Variants in SLC13A3 observed in about 807,000 individuals in gnomAD.
SLC13A3 encodes the protein solute carrier family 13 member 3, also known as Na(+)/dicarboxylate cotransporter 3.
SLC13A3 carries 40 observed loss-of-function variants against 59.0 expected under a neutral mutation model. That is an observed-to-expected ratio of 0.68 (90% CI 0.53 to 0.88). SLC13A3 has a LOEUF of 0.88. SLC13A3 is among the 40% of genes least tolerant of loss of function. The pLI is 0.00. For synonymous variants in SLC13A3, 317 were observed against 330.3 expected (o/e 0.96, Z 0.44); for missense variants, 699 against 783.2 (o/e 0.89, Z 1.28).
intron 1 of SLC13A3, among the ~76,000 whole-genome samples, chr20:46,616,407 T>C (rs2122761763): frequency 6.6e-6 from 1 of 152,306 alleles, no homozygotes; most frequent in East Asian, 1.9e-4. Context: ...ACCTCCCCGA[T>C]TTGGGGATTC....
intron 1 of SLC13A3, among the ~76,000 whole-genome samples, chr20:46,661,013 T>C (rs1349778343): frequency 6.6e-6 from 1 of 152,224 alleles, no homozygotes; most frequent in Non-Finnish European, 1.5e-5. Flanking sequence ...AGTTTTCCAT[T>C]TGTTTATGCA....
At chr20:46,656,578 AC>A (rs947388109) in intron 1 of SLC13A3, among the ~76,000 whole-genome samples, 2 of 147,282 alleles carry the variant, frequency 1.4e-5, no homozygotes, top group Non-Finnish European at 3.0e-5. Context: ...ACTATACAGT[AC>A]ATATATTATA....
intron 4 of SLC13A3, among the ~76,000 whole-genome samples, chr20:46,597,313 G>A (rs757977779): frequency 2.0e-5 from 3 of 152,164 alleles, no homozygotes; most frequent in African/African-American, 4.8e-5. Flanking sequence ...AATGATGTCC[G>A]CTATTCTCCA....
intron 12 of SLC13A3, 64 bp downstream of exon 12, chr20:46,563,350 C>T: frequency 2.5e-6 from 4 of 1,571,274 alleles, no homozygotes; most frequent in Non-Finnish European, 3.5e-6. Flanking sequence ...GCATAGAGGC[C>T]TTGCCCGCCC....
chr20:46,600,407 G>GAGGA (rs1003461265), intron 3 of SLC13A3, among the ~76,000 whole-genome samples: 85 of 143,604 alleles, frequency 5.9e-4, no homozygotes, highest in African/African-American at 1.7e-3. Context: ...AGAAAGAAAG[G>GAGGA]AGGAAGGAAG....
Position 46,566,245 on chromosome 20 carries a change from G to C in SLC13A3, c.1478C>G (p.Pro493Arg). 1 of 1,613,548 alleles carries C rather than the reference G, an allele frequency of 6.2e-7. No individual in the cohort carries two copies. Among genetic ancestry groups the C allele is most frequent in the East Asian group, 2.2e-5 (1 of 44,840 alleles). Residue 493 changes from proline to arginine, a missense_variant, in exon 11 of 13, where the codon CCG (proline) becomes CGG (arginine). Physicochemically the swap from Pro to Arg is moderately radical, Grantham distance 103. Transcript: ENST00000279027. ...SNTATIIIFL[P>R]VLAELAIRLR... Reference sequence around the variant, plus strand: ...GACCCTCACCAGCTCTGCCAGGACCGGCAGGAAGATGATGATGGTCGCCGT... The same window carrying C: ...GACCCTCACCAGCTCTGCCAGGACCCGCAGGAAGATGATGATGGTCGCCGT...
At chr20:46,567,790 C>T (rs2061993552) in intron 10 of SLC13A3, among the ~76,000 whole-genome samples, 1 of 152,184 alleles carries the variant, frequency 6.6e-6, no homozygotes, top group Non-Finnish European at 1.5e-5. Context: ...TGACCCAACA[C>T]ATCATTATAA....
chr20:46,648,981 ACT>A lies in SLC13A3; in HGVS notation c.111+2328_111+2329del, dbSNP rs140317247. Among the ~76,000 whole-genome samples the A allele has an allele frequency of 3.5e-3, 527 of 151,608 alleles. 4 individuals carry two copies. Among genetic ancestry groups the A allele is most frequent in the African/African-American group, 0.012 (505 of 41,228 alleles). On this transcript the variant is annotated intron_variant, in intron 1 of 12. Coordinates refer to ENST00000279027, the MANE Select transcript of SLC13A3 (RefSeq NM_022829.6). The stretch of plus-strand genomic sequence containing the variant: ...CACACACACACATAAAGGAGTACAG[ACT>A]CTGCATTCTGGCTTTGCAGCAGCTG...
intron 1 of SLC13A3, among the ~76,000 whole-genome samples, chr20:46,628,278 A>G (rs1449595834): frequency 2.0e-5 from 3 of 152,104 alleles, no homozygotes; most frequent in Non-Finnish European, 4.4e-5. Context: ...CAGGGTGAGC[A>G]GTTTGCTTTC....
intron 1 of SLC13A3, among the ~76,000 whole-genome samples, chr20:46,641,840 T>C (rs1240191372): frequency 1.3e-5 from 2 of 152,184 alleles, no homozygotes; most frequent in Non-Finnish European, 2.9e-5. Flanking sequence ...TTCCTTCATA[T>C]GTGAAACAAC....
intron 10 of SLC13A3, among the ~76,000 whole-genome samples, chr20:46,569,245 C>T (rs955416016): frequency 6.6e-6 from 1 of 152,074 alleles, no homozygotes; most frequent in East Asian, 1.9e-4. Flanking sequence ...CCTGCCTAGG[C>T]CTCCCAAAGT....
rs1019153795 is a variant in SLC13A3, at chr20:46,566,352, G to A, written c.1371C>T (p.His457=). Residue 457 remains histidine (H), a synonymous_variant, in exon 11 of 13, where the codon CAC becomes CAT. Transcript: ENST00000279027. ...GLSVWIGGQL[H]PLENVPPALA... ...GGGCGGGGGGCACATTCTCCAGGGG[G>A]TGCAGCTGCCCACCAATCCATACAG... 1.5e-5 allele frequency: 24 copies of A among 1,612,516 alleles called. No individual in the cohort carries two copies. The highest frequency in any genetic ancestry group is 2.0e-5 in the Non-Finnish European group (23 of 1,178,896).
At chr20:46,663,938 T>C (rs1334157078) in intron 1 of SLC13A3, among the ~76,000 whole-genome samples, 1 of 152,210 alleles carries the variant, frequency 6.6e-6, no homozygotes, top group East Asian at 1.9e-4. Context: ...CTGAAAGTAG[T>C]AATATTAAAG....
At chr20:46,658,340 A>G (rs979260136) in intron 1 of SLC13A3, among the ~76,000 whole-genome samples, 5 of 152,204 alleles carry the variant, frequency 3.3e-5, no homozygotes, top group African/African-American at 9.7e-5. Context: ...TTGCCAAGCA[A>G]TGGGGGTCAA....
chr20:46,565,794 T>C (rs1031701928), intron 11 of SLC13A3, among the ~76,000 whole-genome samples: 3 of 152,204 alleles, frequency 2.0e-5, no homozygotes, highest in Non-Finnish European at 4.4e-5. Flanking sequence ...CACCCTGTAG[T>C]GCACGGATCA....
chr20:46,611,501 T>C (rs2062493288), intron 2 of SLC13A3, among the ~76,000 whole-genome samples: 1 of 152,098 alleles, frequency 6.6e-6, no homozygotes, highest in Non-Finnish European at 1.5e-5. Context: ...GACTGGCAGC[T>C]CCTCCAGGAG....
chr20:46,615,689 C>G (rs1229958828), intron 1 of SLC13A3, among the ~76,000 whole-genome samples: 1 of 152,206 alleles, frequency 6.6e-6, no homozygotes, highest in East Asian at 1.9e-4. Flanking sequence ...GGGAGACACA[C>G]TGTCACCAAT....
chr20:46,657,205 T>C (rs2063000156), intron 1 of SLC13A3, among the ~76,000 whole-genome samples: 1 of 152,088 alleles, frequency 6.6e-6, no homozygotes, highest in African/African-American at 2.4e-5. Flanking sequence ...GCTTGTAAGA[T>C]AGGGCTTCTA....
upstream of SLC13A3, among the ~76,000 whole-genome samples, chr20:46,672,594 C>A (rs1361970708): frequency 6.6e-6 from 1 of 152,176 alleles, no homozygotes; most frequent in African/African-American, 2.4e-5. Flanking sequence ...CACTGGGAGG[C>A]AGGGCCTATT....
Sources: allele counts gnomAD v4.1 joint callset (sites outside exome capture counted in the v4.1 genomes callset), GRCh38; gene constraint gnomAD v4.1.1; transcripts MANE v1.5; gene names NCBI Gene and HGNC (gene_info 2026-07-23, HGNC 2026-07-21).